The following DIAPH2 variants were observed in gnomAD, a reference collection of about 807,000 sequenced individuals.
The protein encoded by DIAPH2 is protein diaphanous homolog 2.
In DIAPH2, 35 loss-of-function variants were observed where a neutral mutation model predicts 92.7. The ratio of observed to expected loss-of-function variants is 0.38; its 90% confidence interval spans 0.29 to 0.50. DIAPH2 has a LOEUF of 0.50. DIAPH2 is among the 20% of genes least tolerant of loss of function. The pLI is 0.94. For missense variants in DIAPH2, 701 were observed against 819.5 expected (o/e 0.86, Z 1.77); for synonymous variants, 301 against 280.4 (o/e 1.07, Z -0.73).
intron 4 of DIAPH2, among the ~76,000 whole-genome samples, chrX:96,768,989 A>G (rs746206677): frequency 9.0e-6 from 1 of 111,360 alleles, no homozygotes; most frequent in African/African-American, 3.3e-5. Context: ...GGGAAGAGAA[A>G]GGTAGCAGTG....
chrX:97,254,356 A>C (rs2068216852), intron 23 of DIAPH2, among the ~76,000 whole-genome samples: 1 of 109,973 alleles, frequency 9.1e-6, no homozygotes, highest in African/African-American at 3.3e-5. Context: ...GCTGGGTGTG[A>C]TGGCAGGCGC....
rs546157335 is a variant in DIAPH2 at position 97,414,262 on chromosome X, C to T, written c.3146-15388C>T. On this transcript the variant is annotated intron_variant, in intron 25 of 26. Coordinates refer to ENST00000324765, the MANE Select transcript of DIAPH2 (RefSeq NM_006729.5). ...AGAAATAATACTACACATCTACAAC[C>T]ATCTGATCTTTGACAAACCTGACAG... Among the ~76,000 whole-genome samples, 8 of 111,503 alleles carry T rather than the reference C, an allele frequency of 7.2e-5. No homozygotes were observed. The South Asian group carries it at 3.1e-3, about 43-fold the overall frequency.
At chrX:96,882,723 G>A (rs2065221917) in intron 5 of DIAPH2, among the ~76,000 whole-genome samples, 1 of 110,035 alleles carries the variant, frequency 9.1e-6, no homozygotes, top group Non-Finnish European at 1.9e-5. Context: ...TCAGGGGGCT[G>A]AGGCAAGTGG....
intron 23 of DIAPH2, among the ~76,000 whole-genome samples, chrX:97,292,522 G>A (rs1205268023): frequency 9.2e-6 from 1 of 108,967 alleles, no homozygotes; most frequent in Non-Finnish European, 1.9e-5. Context: ...AGCTGCCAGA[G>A]AACCTATGTG....
chrX:97,026,501 A>C (rs2066335917), intron 17 of DIAPH2, among the ~76,000 whole-genome samples: 1 of 112,196 alleles, frequency 8.9e-6, no homozygotes, highest in Admixed American at 9.4e-5. Context: ...ACCAAGTCCA[A>C]ATTAATCAGG....
Position 96,820,399 on chromosome X carries a change from G to A in DIAPH2, c.448-61180G>A, listed in dbSNP as rs186504972. Among the ~76,000 whole-genome samples the A allele has an allele frequency of 5.4e-5, 6 of 111,718 alleles. No individual in the cohort carries two copies. The East Asian group carries it at 1.7e-3, about 31-fold the overall frequency. On this transcript the variant is annotated intron_variant, in intron 4 of 26. Coordinates refer to ENST00000324765, the MANE Select transcript of DIAPH2 (RefSeq NM_006729.5). ...GTGGGGGGATTGCTTGAGCTAGGGA[G>A]GCAGAGGTTGTAGTGAGCCAAGACT...
At chrX:97,394,821 T>A (rs775220923) in intron 25 of DIAPH2, among the ~76,000 whole-genome samples, 10 of 111,752 alleles carry the variant, frequency 8.9e-5, no homozygotes, top group Non-Finnish European at 1.9e-4. Context: ...AATCTGCTGA[T>A]CCCCAGTGAC....
intron 23 of DIAPH2, among the ~76,000 whole-genome samples, chrX:97,300,924 T>C (rs2068692848): frequency 3.6e-5 from 1 of 27,538 alleles, no homozygotes; most frequent in African/African-American, 1.3e-4. Context: ...AGAGCAAGAC[T>C]CCGTCTTAAA....
At chrX:96,815,604 G>A in intron 4 of DIAPH2, among the ~76,000 whole-genome samples, 1 of 112,079 alleles carries the variant, frequency 8.9e-6, no homozygotes, top group Non-Finnish European at 1.9e-5. Context: ...ACTGTCCTCT[G>A]TGTCGATCAT....
At chrX:96,783,382 G>A (rs1280403538) in intron 4 of DIAPH2, among the ~76,000 whole-genome samples, 1 of 112,380 alleles carries the variant, frequency 8.9e-6, no homozygotes, top group Non-Finnish European at 1.9e-5. Flanking sequence ...AAAACTAAGA[G>A]ACCAAGAAGG....
intron 26 of DIAPH2, among the ~76,000 whole-genome samples, chrX:97,568,303 T>C (rs1049904038): frequency 3.6e-5 from 4 of 110,499 alleles, no homozygotes; most frequent in African/African-American, 1.3e-4. Context: ...GAGCATGTTA[T>C]TGGCATGCTG....
At chrX:97,286,004 G>A (rs1424127629) in intron 23 of DIAPH2, among the ~76,000 whole-genome samples, 2 of 105,543 alleles carry the variant, frequency 1.9e-5, no homozygotes, top group Non-Finnish European at 3.9e-5. Context: ...GGTCTCTAAA[G>A]TTTCTGTGAG....
chrX:97,480,429 T>C (rs983773118), intron 26 of DIAPH2, among the ~76,000 whole-genome samples: 1 of 111,467 alleles, frequency 9.0e-6, no homozygotes, highest in African/African-American at 3.3e-5. Flanking sequence ...ATTTCTGTTA[T>C]TGTAAGTCAC....
At chrX:96,741,195 C>G (rs1424216298) in intron 3 of DIAPH2, among the ~76,000 whole-genome samples, 2 of 109,329 alleles carry the variant, frequency 1.8e-5, no homozygotes, top group Non-Finnish European at 3.8e-5. Context: ...CCATTCTGAG[C>G]AGCATGTAAA....
chrX:96,910,587 ATATT>A (rs1460211609), intron 5 of DIAPH2, among the ~76,000 whole-genome samples: 2 of 111,195 alleles, frequency 1.8e-5, no homozygotes, highest in African/African-American at 6.5e-5. Context: ...ATAAGTCTAT[ATATT>A]GATTTATGTT....
intron 26 of DIAPH2, among the ~76,000 whole-genome samples, chrX:97,548,984 C>A (rs1194945545): frequency 8.9e-6 from 1 of 112,175 alleles, no homozygotes; most frequent in Non-Finnish European, 1.9e-5. Context: ...AAGGGCCTGC[C>A]CATTTATAAA....
intron 4 of DIAPH2, among the ~76,000 whole-genome samples, chrX:96,762,173 G>A (rs1287186387): frequency 9.0e-6 from 1 of 111,521 alleles, no homozygotes; most frequent in East Asian, 2.8e-4. Context: ...TGATATTCAA[G>A]TGTGGGAATC....
chrX:96,859,396 CTTTATTGAA>C (rs931517390), intron 4 of DIAPH2, among the ~76,000 whole-genome samples: 7 of 109,651 alleles, frequency 6.4e-5, no homozygotes, highest in African/African-American at 1.3e-4. Flanking sequence ...TTTTAGTTGA[CTTTATTGAA>C]TTTAGCAAGA....
intron 23 of DIAPH2, among the ~76,000 whole-genome samples, chrX:97,286,376 C>G (rs1316757209): frequency 8.1e-5 from 9 of 111,004 alleles, no homozygotes; most frequent in Non-Finnish European, 5.7e-5. Context: ...ATGCTACCCT[C>G]TAGCATGCTA....
Sources: gnomAD v4.1 joint callset for allele counts (sites outside exome capture counted in the v4.1 genomes callset) on GRCh38, gnomAD v4.1.1 for gene constraint, MANE v1.5 for transcripts, NCBI Gene and HGNC (gene_info 2026-07-23, HGNC 2026-07-21) for gene names.